SCARF2: variants seen among roughly 807,000 people sequenced by gnomAD.
SCARF2 encodes scavenger receptor expressed by endothelial cells 2 protein.
In SCARF2, 39 loss-of-function variants were observed where a neutral mutation model predicts 73.4. That is an observed-to-expected ratio of 0.53 (90% CI 0.41 to 0.69). The LOEUF (loss-of-function observed/expected upper bound fraction) is 0.69, where lower values mean the gene tolerates loss of function less well. SCARF2 is among the 30% of genes least tolerant of loss of function. The probability of loss-of-function intolerance (pLI) is 0.00; values close to 1 mark genes in which losing one functional copy is unlikely to be tolerated. For missense variants in SCARF2, 1,148 were observed against 1,303.5 expected, an observed-to-expected ratio of 0.88 and a Z score of 1.84; for synonymous variants, 605 against 590.0, an observed-to-expected ratio of 1.03 and a Z score of -0.37.
chr22:20,425,919 G>A lies in SCARF2; in HGVS notation c.2057C>T (p.Pro686Leu). 3 of 1,597,606 alleles carry A rather than the reference G, an allele frequency of 1.9e-6. No individual in the cohort carries two copies. The highest frequency in any genetic ancestry group is 2.6e-6 in the Non-Finnish European group (3 of 1,175,368). ...AAGRAPSPPP[P>L]GSEAAPSPSK... ...GGGGCTGGGCGCGGCCTCGGAGCCT[G>A]GCGGCGGTGGTGAGGGCGCACGGCC... Residue 686 changes from proline (P) to leucine (L), a missense_variant, in exon 11 of 11, where the codon CCA (proline) becomes CTA (leucine). By Grantham distance (98) the Pro-to-Leu change is moderately conservative (BLOSUM62 -3). Coordinates refer to ENST00000622235, the MANE Select transcript of SCARF2 (RefSeq NM_182895.5). The surrounding 1 kb of genome is among the most constrained non-coding windows in gnomAD (Gnocchi z 4.6).
chr22:20,432,046 C>T, intron 1 of SCARF2, 58 bp from the exon 2 acceptor site: 1 of 1,525,816 alleles, frequency 6.6e-7, no homozygotes, highest in Admixed American at 1.9e-5. Context: ...CCCATCTGCT[C>T]CGGGCTCCTC....
In SCARF2 at chr22:20,425,592, T is replaced by A; in HGVS notation, c.2384A>T (p.Glu795Val). 7.5e-7 allele frequency: 1 copy of A among 1,338,876 alleles called. No individual in the cohort carries two copies. The highest frequency in any genetic ancestry group is 1.9e-5 in the South Asian group (1 of 53,838). The allele number at this position is 1,338,876 out of a possible 1,614,324, so 82.9% of individuals were successfully genotyped here. Reference sequence around the variant, plus strand: ...GGCTTTCTGTGGGGGCGCCGGCTTTTCCCTGGGGCCCTGCGCGCCCAGGGC... The same window carrying A: ...GGCTTTCTGTGGGGGCGCCGGCTTTACCCTGGGGCCCTGCGCGCCCAGGGC... ...EVALGAQGPR[E>V]KPAPPQKAKR... The change falls in exon 11 of 11, where the codon GAA (glutamate) becomes GTA (valine). Residue 795 changes from glutamate (E) to valine (V), a missense_variant. By Grantham distance (121) the Glu-to-Val change is moderately radical. Coordinates refer to ENST00000622235, the MANE Select transcript of SCARF2 (RefSeq NM_182895.5). The surrounding 1 kb of genome is among the most constrained non-coding windows in gnomAD (Gnocchi z 4.6).
chr22:20,436,071 T>A (rs1347935397), intron 1 of SCARF2, among the ~76,000 whole-genome samples: 1 of 152,176 alleles, frequency 6.6e-6, no homozygotes, highest in African/African-American at 2.4e-5. Context: ...CTTAGCCCCA[T>A]GAGGGGGTTG....
Position 20,425,561 on chromosome 22 carries a change from G to T in SCARF2, c.2415C>A (p.Arg805=), listed in dbSNP as rs1162921797. Residue 805 remains arginine (R), a synonymous_variant, in exon 11 of 11, where the codon CGC becomes CGA. Coordinates refer to ENST00000622235, the MANE Select transcript of SCARF2 (RefSeq NM_182895.5). This position sits in a 1 kb window ranked among gnomAD's most constrained non-coding sequence, Gnocchi z 4.6. The part of the protein sequence containing the change: ...EKPAPPQKAK[R]SVPPASPARA... Reference sequence around the variant, plus strand: ...GGGCGGGCGAGGCTGGCGGCACGGAGCGCTTGGCTTTCTGTGGGGGCGCCG... The same window carrying T: ...GGGCGGGCGAGGCTGGCGGCACGGATCGCTTGGCTTTCTGTGGGGGCGCCG... 2.2e-6 allele frequency: 3 copies of T among 1,343,040 alleles called. No homozygotes were observed. Among genetic ancestry groups the T allele is most frequent in the South Asian group, 1.9e-5 (1 of 54,016 alleles). The allele number at this position is 1,343,040 out of a possible 1,614,324, so 83.2% of individuals were successfully genotyped here.
chr22:20,434,004 C>G (rs1456493584), intron 1 of SCARF2, among the ~76,000 whole-genome samples: 1 of 152,252 alleles, frequency 6.6e-6, no homozygotes, highest in Admixed American at 6.5e-5. Flanking sequence ...GTTTTAGGGC[C>G]ACACTCAGCT....
intron 4 of SCARF2, 31 bp downstream of exon 4, chr22:20,430,987 C>A: frequency 1.3e-6 from 2 of 1,568,520 alleles, no homozygotes; most frequent in Admixed American, 1.8e-5. Flanking sequence ...CCTTCCACCT[C>A]CTCCCTCCCT....
chr22:20,425,508 C>G lies in SCARF2; in HGVS notation c.2468G>C (p.Gly823Ala). Residue 823 changes from glycine to alanine, a missense_variant, in exon 11 of 11, where the codon GGG (glycine) becomes GCG (alanine). Coordinates refer to ENST00000622235, the MANE Select transcript of SCARF2 (RefSeq NM_182895.5). The surrounding 1 kb of genome is among the most constrained non-coding windows in gnomAD (Gnocchi z 4.6). ...CAAGTCGGTCGCCGCCTTCTCAGGCCCCGGGGTTTCGGTCGCTGGGGGCGC... is the reference window on the plus strand; with the variant it reads ...CAAGTCGGTCGCCGCCTTCTCAGGCGCCGGGGTTTCGGTCGCTGGGGGCGC... ...ARAPPATETP[G>A]PEKAATDLPA... is the part of the protein sequence containing the mutation. 1 of 1,356,862 alleles carries G rather than the reference C, an allele frequency of 7.4e-7. No homozygotes were observed. Among genetic ancestry groups the G allele is most frequent in the Non-Finnish European group, 9.5e-7 (1 of 1,056,296 alleles). The allele number at this position is 1,356,862 out of a possible 1,614,324, so 84.1% of individuals were successfully genotyped here. A position where few individuals can be genotyped will look rare whatever the true frequency, so the allele number is the denominator to read the frequency against.
In SCARF2 at chr22:20,431,047, G is replaced by C; in HGVS notation, c.825C>G (p.Ala275=). The change falls in exon 4 of 11, where the codon GCC becomes GCG. Residue 275 remains alanine (A), a synonymous_variant. Transcript: ENST00000622235. ...RGKYCREPCP[A]GFYGLGCRRR... ...GGCGACAGCCCAAGCCGTAGAAGCCGGCGGGGCACGGCTCGCGACAGTACT... is the reference window on the plus strand; with the variant it reads ...GGCGACAGCCCAAGCCGTAGAAGCCCGCGGGGCACGGCTCGCGACAGTACT... 1 of 1,565,754 alleles carries C rather than the reference G, an allele frequency of 6.4e-7. No individual in the cohort carries two copies. The highest frequency in any genetic ancestry group is 8.6e-7 in the Non-Finnish European group (1 of 1,163,682).
chr22:20,425,555 C>A lies in SCARF2; in HGVS notation c.2421G>T (p.Val807=). The A allele has an allele frequency of 7.5e-7, 1 of 1,341,362 alleles. No individual in the cohort carries two copies. Among genetic ancestry groups the A allele is most frequent in the Non-Finnish European group, 9.5e-7 (1 of 1,050,196 alleles). The allele number at this position is 1,341,362 out of a possible 1,614,324, so 83.1% of individuals were successfully genotyped here. Residue 807 remains valine (V), a synonymous_variant, in exon 11 of 11, where the codon GTG becomes GTT. Transcript: ENST00000622235. The surrounding 1 kb of genome is among the most constrained non-coding windows in gnomAD (Gnocchi z 4.6). ...GCGCGCGGGCGGGCGAGGCTGGCGG[C>A]ACGGAGCGCTTGGCTTTCTGTGGGG... is the stretch of plus-strand genomic sequence containing the variant. The part of the protein sequence containing the change: ...PAPPQKAKRS[V]PPASPARAPP...
rs2052567574 is a variant in SCARF2, at chr22:20,425,737, C to A, written c.2239G>T (p.Gly747Cys). The change falls in exon 11 of 11, where the codon GGC (glycine) becomes TGC (cysteine). Residue 747 changes from glycine to cysteine, a missense_variant. Physicochemically the swap from Gly to Cys is radical, Grantham distance 159. This residue lies in a region of SCARF2 where 46 missense variants were observed against 80.6 expected (regional missense o/e 0.57). Coordinates refer to ENST00000622235, the MANE Select transcript of SCARF2 (RefSeq NM_182895.5). The surrounding 1 kb of genome is among the most constrained non-coding windows in gnomAD (Gnocchi z 4.6). ...TCCGTGGGCTCCAAGAGGCCGGGGC[C>A]GCGGCCCCGCGCTCGGGCCCTGGGC... The part of the protein sequence containing the change: ...SPPRARARGR[G>C]PGLLEPTDAG... 5 of 1,230,940 alleles carry A rather than the reference C, an allele frequency of 4.1e-6. No individual in the cohort carries two copies. The allele number at this position is 1,230,940 out of a possible 1,614,324, so 76.3% of individuals were successfully genotyped here.
At position 20,427,892 on chromosome 22, in the gene SCARF2, C is replaced by T. The variant is rs77825565; in HGVS notation, c.1541-342G>A. ...ACCTGGCTGGGACAGGCCACCAAGG[C>T]CTCCAAGCTCTGTTTTAGGCCCTGC... is the stretch of plus-strand genomic sequence containing the variant. On this transcript the variant is annotated intron_variant, in intron 9 of 10. Transcript: ENST00000622235. Among the ~76,000 whole-genome samples, 689 of 152,340 alleles carry T rather than the reference C, an allele frequency of 4.5e-3. 3 individuals are homozygous for T. Among genetic ancestry groups the T allele is most frequent in the Middle Eastern group, 0.017 (5 of 294 alleles).
chr22:20,429,838 C>G lies in SCARF2; in HGVS notation c.1203-5G>C. The G allele has an allele frequency of 6.2e-7, 1 of 1,612,190 alleles. No homozygotes were observed. Among genetic ancestry groups the G allele is most frequent in the East Asian group, 2.2e-5 (1 of 44,838 alleles). ...GGCGGGCACGTCACGTTACAGCTGCCGGGACATAGGGTCAAGGCATGCCAC... is the reference window on the plus strand; with the variant it reads ...GGCGGGCACGTCACGTTACAGCTGCGGGGACATAGGGTCAAGGCATGCCAC... On this transcript the variant is annotated splice_polypyrimidine_tract_variant and splice_region_variant and intron_variant, in intron 6 of 10. Transcript: ENST00000622235. This position sits in a 1 kb window ranked among gnomAD's most constrained non-coding sequence, Gnocchi z 5.2.
At position 20,425,198 on chromosome 22, in the gene SCARF2, A is replaced by C. The variant is rs1296210657; in HGVS notation, c.*177T>G. 7 of 477,942 alleles carry C rather than the reference A, an allele frequency of 1.5e-5. No individual in the cohort carries two copies. The highest frequency in any genetic ancestry group is 2.4e-5 in the Non-Finnish European group (7 of 296,778). 29.6% of individuals were successfully genotyped at this position (477,942 alleles called of 1,614,324 possible). ...CAACGGGATGGGCCCTTCCCGCCAG[A>C]GCACACTGCTCCAATCCAGGAGCGG... On this transcript the variant is annotated 3_prime_UTR_variant, in exon 11 of 11. Coordinates refer to ENST00000622235, the MANE Select transcript of SCARF2 (RefSeq NM_182895.5). This position sits in a 1 kb window ranked among gnomAD's most constrained non-coding sequence, Gnocchi z 4.6.
rs1216241890 is a variant in SCARF2 at position 20,431,931 on chromosome 22, A to G, written c.231T>C (p.Ile77=). 2 of 1,315,216 alleles carry G rather than the reference A, an allele frequency of 1.5e-6. No individual in the cohort carries two copies. The highest frequency in any genetic ancestry group is 4.5e-5 in the Admixed American group (2 of 44,648). The allele number at this position is 1,315,216 out of a possible 1,614,324, so 81.5% of individuals were successfully genotyped here. Residue 77 remains isoleucine (I), a splice_region_variant and synonymous_variant, in exon 2 of 11, where the codon ATT becomes ATC. Transcript: ENST00000622235. ...AGGTCCCCGGGATGACCCACTCACC[A>G]ATCCCACACTCGTCCCCTTGCTGCC... The part of the protein sequence containing the change: ...GWRQQGDECG[I]AVCEGNSTCS...
At position 20,425,758 on chromosome 22, in the gene SCARF2, T is replaced by G. The variant is rs2052568174; in HGVS notation, c.2218A>C (p.Arg740=). ...GGGCCGCGGCCCCGCGCTCGGGCCCTGGGCGGCGAGGGCGCAGCGAGGGCT... is the reference window on the plus strand; with the variant it reads ...GGGCCGCGGCCCCGCGCTCGGGCCCGGGGCGGCGAGGGCGCAGCGAGGGCT... The part of the protein sequence containing the change: ...ATALAAPSPP[R]ARARGRGPGL... Residue 740 remains arginine, a synonymous_variant, in exon 11 of 11, where the codon AGG becomes CGG. Transcript: ENST00000622235. The surrounding 1 kb of genome is among the most constrained non-coding windows in gnomAD (Gnocchi z 4.6). 7.7e-7 allele frequency: 1 copy of G among 1,294,172 alleles called. No homozygotes were observed. Among genetic ancestry groups the G allele is most frequent in the Non-Finnish European group, 9.7e-7 (1 of 1,027,146 alleles). 80.2% of individuals were successfully genotyped at this position (1,294,172 alleles called of 1,614,324 possible). A position where few individuals can be genotyped will look rare whatever the true frequency, so the allele number is the denominator to read the frequency against.
intron 3 of SCARF2, 34 bp from the exon 4 acceptor site, chr22:20,431,571 C>A: frequency 6.4e-7 from 1 of 1,551,704 alleles, no homozygotes; most frequent in Non-Finnish European, 8.7e-7. Flanking sequence ...TGGAAGGCCC[C>A]GGTGCTTGAG....
chr22:20,429,536 C>T lies in SCARF2; in HGVS notation c.1424G>A (p.Arg475Gln), dbSNP rs1170997476. 1 of 1,612,378 alleles carries T rather than the reference C, an allele frequency of 6.2e-7. No individual in the cohort carries two copies. The highest frequency in any genetic ancestry group is 1.3e-5 in the African/African-American group (1 of 74,910). Reference sequence around the variant, plus strand: ...AAAGCGGGGCAGTATCTGGGCTCACCGGCGCGTAGGGTCCTTGCCGCGGCA... The same window carrying T: ...AAAGCGGGGCAGTATCTGGGCTCACTGGCGCGTAGGGTCCTTGCCGCGGCA... The part of the protein sequence containing the change: ...CACRGKDPTR[R>Q]ELSLGRKKAP... Residue 475 changes from arginine (R) to glutamine (Q), a missense_variant and splice_region_variant, in exon 8 of 11, where the codon CGG becomes CAG. Arg to Gln is a conservative substitution (Grantham distance 43). Transcript: ENST00000622235. This position sits in a 1 kb window ranked among gnomAD's most constrained non-coding sequence, Gnocchi z 5.2.
rs769031641 is a variant in SCARF2 at position 20,431,144 on chromosome 22, T to C, written c.728A>G (p.Tyr243Cys). The C allele has an allele frequency of 1.3e-6, 2 of 1,567,460 alleles. No homozygotes were observed. The highest frequency in any genetic ancestry group is 1.7e-6 in the Non-Finnish European group (2 of 1,165,588). The change falls in exon 4 of 11, where the codon TAC becomes TGC. Residue 243 changes from tyrosine (Y) to cysteine (C), a missense_variant. By Grantham distance (194) the Tyr-to-Cys change is radical (BLOSUM62 -2). This residue lies in a region of SCARF2 where 372 missense variants were observed against 532.0 expected (regional missense o/e 0.70). Coordinates refer to ENST00000622235, the MANE Select transcript of SCARF2 (RefSeq NM_182895.5). ...ERTFGARCDR[Y>C]CQCFRGRCHP... ...GCAGCGGCCGCGGAAGCACTGGCAG[T>C]AGCGATCGCAGCGCGCGCCGAACGT... is the stretch of plus-strand genomic sequence containing the variant.
intron 1 of SCARF2, among the ~76,000 whole-genome samples, chr22:20,436,109 G>A (rs1376766249): frequency 6.6e-6 from 1 of 152,248 alleles, no homozygotes; most frequent in Non-Finnish European, 1.5e-5. Flanking sequence ...TACAGAGGTG[G>A]AGACAGGCCC....
Sources: allele counts gnomAD v4.1 joint callset (sites outside exome capture counted in the v4.1 genomes callset), GRCh38; gene constraint gnomAD v4.1.1; regional missense constraint gnomAD v4.1.1; non-coding constraint Gnocchi (gnomAD v3.1); transcripts MANE v1.5; gene names NCBI Gene and HGNC (gene_info 2026-07-23, HGNC 2026-07-21).